NXPE4: variants seen among roughly 807,000 people sequenced by gnomAD.
NXPE4 encodes the protein NXPE family member 4.
Under a neutral mutation model 33.3 loss-of-function variants are expected in NXPE4, and 42 were observed. The ratio of observed to expected loss-of-function variants is 1.26; its 90% CI spans 0.98 to 1.63. The LOEUF (loss-of-function observed/expected upper bound fraction) is 1.63, where lower values mean the gene tolerates loss of function less well. NXPE4 is among the 40% of genes most tolerant of loss of function. NXPE4 has a pLI of 0.00. For missense variants in NXPE4, 709 were observed against 647.6 expected (o/e 1.09, Z -1.03); for synonymous variants, 253 against 234.9 (o/e 1.08, Z -0.71).
the NXPE4 span, among the ~76,000 whole-genome samples, chr11:114,630,653 A>C: frequency 9.9e-5 from 15 of 151,116 alleles, no homozygotes; most frequent in Non-Finnish European, 1.8e-4. Flanking sequence ...CAATGGCAAC[A>C]AAAGCCAAAA....
the NXPE4 span, among the ~76,000 whole-genome samples, chr11:114,631,676 T>A: frequency 2.6e-5 from 4 of 152,032 alleles, no homozygotes; most frequent in African/African-American, 9.6e-5. Flanking sequence ...AGTATATATA[T>A]AAAAAAAGTA....
chr11:114,605,000 A>G, the NXPE4 span, among the ~76,000 whole-genome samples: 1 of 151,530 alleles, frequency 6.6e-6, no homozygotes, highest in Non-Finnish European at 1.5e-5. Context: ...GATAATAAGC[A>G]TTGCCTCACA....
At chr11:114,594,841 A>T in intron 1 of NXPE4, 72 bp from the exon 2 acceptor site, 1 of 822,336 alleles carries the variant, frequency 1.2e-6, no homozygotes, top group East Asian at 2.5e-5. Context: ...CATGGGAAAC[A>T]TTTGAAATTT....
intron 5 of NXPE4, among the ~76,000 whole-genome samples, chr11:114,573,333 A>T (rs1948931741): frequency 6.6e-6 from 1 of 152,148 alleles, no homozygotes; most frequent in South Asian, 2.1e-4. Context: ...CAAGTAGCAC[A>T]ATGAATAGAA....
At chr11:114,626,594 A>C in the NXPE4 span, among the ~76,000 whole-genome samples, 1 of 152,190 alleles carries the variant, frequency 6.6e-6, no homozygotes, top group Non-Finnish European at 1.5e-5. Context: ...GAAAAACGGG[A>C]AACTCTAAAA....
At chr11:114,601,729 T>TG in the NXPE4 span, among the ~76,000 whole-genome samples, 1 of 72,978 alleles carries the variant, frequency 1.4e-5, no homozygotes, top group African/African-American at 5.7e-5. Context: ...TATAATTATA[T>TG]ATTATATATA....
the NXPE4 span, among the ~76,000 whole-genome samples, chr11:114,624,378 C>T: frequency 1.2e-3 from 185 of 152,136 alleles, no homozygotes; most frequent in African/African-American, 4.3e-3. Flanking sequence ...CCACTGTTTC[C>T]CGTTCAATGA....
the NXPE4 span, among the ~76,000 whole-genome samples, chr11:114,653,591 G>T: frequency 7.3e-6 from 1 of 137,190 alleles, no homozygotes; most frequent in South Asian, 2.4e-4. Flanking sequence ...GCAGTGGCAC[G>T]ATCTCGGCTC....
chr11:114,672,323 A>T, the NXPE4 span, among the ~76,000 whole-genome samples: 6 of 151,956 alleles, frequency 3.9e-5, no homozygotes, highest in Non-Finnish European at 4.4e-5. Context: ...CAATCCCTAA[A>T]TTTTTTCAAA....
the NXPE4 span, among the ~76,000 whole-genome samples, chr11:114,636,680 T>C: frequency 6.6e-6 from 1 of 152,088 alleles, no homozygotes; most frequent in East Asian, 1.9e-4. Context: ...TCTCATTGAT[T>C]TCAAAGAACA....
Position 114,571,102 on chromosome 11 carries a change from G to A in NXPE4, c.1471C>T (p.His491Tyr). The A allele has an allele frequency of 6.2e-7, 1 of 1,613,946 alleles. No individual in the cohort carries two copies. The highest frequency in any genetic ancestry group is 8.5e-7 in the Non-Finnish European group (1 of 1,179,902). Residue 491 changes from histidine (H) to tyrosine (Y), a missense_variant, in exon 6 of 6, where the codon CAT becomes TAT. His to Tyr is a moderately conservative substitution (Grantham distance 83). Coordinates refer to ENST00000375478, the MANE Select transcript of NXPE4 (RefSeq NM_001077639.2). ...ATGATGAGATATTGAATGTAACCATGAAAGTCACTAAATCTTTCTGCATCA... is the reference window on the plus strand; with the variant it reads ...ATGATGAGATATTGAATGTAACCATAAAAGTCACTAAATCTTTCTGCATCA... ...YNDAERFSDF[H>Y]GYIQYLIIKD...
intron 2 of NXPE4, among the ~76,000 whole-genome samples, chr11:114,587,431 A>G (rs1006937333): frequency 2.0e-5 from 3 of 152,250 alleles, no homozygotes; most frequent in Non-Finnish European, 4.4e-5. Flanking sequence ...ATTAAAGGGC[A>G]TTACCCAAAT....
At chr11:114,594,592 C>T in intron 2 of NXPE4, 72 bp downstream of exon 2, 1 of 949,712 alleles carries the variant, frequency 1.1e-6, no homozygotes, top group Non-Finnish European at 1.7e-6. Flanking sequence ...TGTAGTTTAG[C>T]CTTTCCTAGA....
chr11:114,660,931 C>T, the NXPE4 span, among the ~76,000 whole-genome samples: 1 of 152,086 alleles, frequency 6.6e-6, no homozygotes, highest in East Asian at 1.9e-4. Context: ...TTTTTTTAGG[C>T]CTGCCCCTTA....
intron 2 of NXPE4, among the ~76,000 whole-genome samples, chr11:114,591,697 A>G (rs186386858): frequency 6.6e-6 from 1 of 152,242 alleles, no homozygotes; most frequent in Admixed American, 6.5e-5. Flanking sequence ...AAAGTCCTTA[A>G]AATCCTTCAC....
Position 114,571,047 on chromosome 11 carries a change from C to T in NXPE4, c.1526G>A (p.Ser509Asn). Residue 509 changes from serine to asparagine, a missense_variant, in exon 6 of 6, where the codon AGT becomes AAT. Coordinates refer to ENST00000375478, the MANE Select transcript of NXPE4 (RefSeq NM_001077639.2). ...IKDIFQDLSVSIIDAWDITIA... is the reference protein window; with the variant it reads ...IKDIFQDLSVNIIDAWDITIA... Reference sequence around the variant, plus strand: ...TGTTATATCCCAGGCATCAATGATACTCACACTGAGATCCTGGAAAATGTC... The same window carrying T: ...TGTTATATCCCAGGCATCAATGATATTCACACTGAGATCCTGGAAAATGTC... 1 of 1,613,616 alleles carries T rather than the reference C, an allele frequency of 6.2e-7. No individual in the cohort carries two copies.
the NXPE4 span, among the ~76,000 whole-genome samples, chr11:114,619,642 A>G: frequency 6.6e-6 from 1 of 151,278 alleles, no homozygotes; most frequent in Non-Finnish European, 1.5e-5. Context: ...AACCACTGTT[A>G]CCCTGTGGAT....
the NXPE4 span, among the ~76,000 whole-genome samples, chr11:114,635,401 C>T: frequency 2.0e-5 from 3 of 151,096 alleles, no homozygotes; most frequent in Admixed American, 6.6e-5. Flanking sequence ...ACAATCATGT[C>T]GTCTGCAAAC....
intron 5 of NXPE4, among the ~76,000 whole-genome samples, chr11:114,579,747 G>GT (rs1288512351): frequency 6.6e-6 from 1 of 152,198 alleles, no homozygotes; most frequent in Non-Finnish European, 1.5e-5. Context: ...CAGATAGGAG[G>GT]TAGAGAAGTC....
Sources: gnomAD v4.1 joint callset for allele counts (sites outside exome capture counted in the v4.1 genomes callset) on GRCh38, gnomAD v4.1.1 for gene constraint, MANE v1.5 for transcripts, NCBI Gene and HGNC (gene_info 2026-07-23, HGNC 2026-07-21) for gene names.